The following NAPB variants were observed in gnomAD, a reference collection of about 807,000 sequenced individuals.
The protein encoded by NAPB is NSF attachment protein beta, also known as beta-soluble NSF attachment protein.
Under a neutral mutation model 44.7 loss-of-function variants are expected in NAPB, and 26 were observed. The observed-to-expected ratio is 0.58, with a 90% CI of 0.43 to 0.81. The LOEUF is 0.81. Ranked by LOEUF, NAPB falls within the 30% of genes least tolerant of loss-of-function variation. The probability of loss-of-function intolerance (pLI) is 0.00; values close to 1 mark genes in which losing one functional copy is unlikely to be tolerated. For missense variants in NAPB, 315 were observed against 356.4 expected (o/e 0.88, Z 0.94); for synonymous variants, 120 against 116.8 (o/e 1.03, Z -0.18).
intron 1 of NAPB, among the ~76,000 whole-genome samples, chr20:23,405,003 G>A (rs966506976): frequency 1.3e-5 from 2 of 152,172 alleles, no homozygotes; most frequent in African/African-American, 4.8e-5. Context: ...ACACCCAAGA[G>A]AAATTAAAAC....
At chr20:23,378,495 G>A (rs988275211) in intron 10 of NAPB, among the ~76,000 whole-genome samples, 12 of 150,244 alleles carry the variant, frequency 8.0e-5, no homozygotes, top group Admixed American at 3.3e-4. Flanking sequence ...AGGCTGGAAT[G>A]CAATGGCGTG....
chr20:23,413,131 GA>G lies in NAPB; in HGVS notation c.98+8173del, dbSNP rs1239236428. On this transcript the variant is annotated intron_variant, in intron 1 of 10. Transcript: ENST00000377026. ...GGGAAACACAGCAAGATTCCGTGTC[GA>G]AAAAAAAATTTTAAGTAAAGTGTAC... Among the ~76,000 whole-genome samples, 5 of 150,148 alleles carry G rather than the reference GA, an allele frequency of 3.3e-5. No individual in the cohort carries two copies. The East Asian group carries it at 5.8e-4, about 18-fold the overall frequency.
intron 1 of NAPB, among the ~76,000 whole-genome samples, chr20:23,404,269 A>G (rs1269116056): frequency 6.6e-6 from 1 of 152,234 alleles, no homozygotes; most frequent in African/African-American, 2.4e-5. Context: ...CAGTATACAT[A>G]ACAAGGAACT....
rs117825139 is a variant in NAPB at position 23,394,987 on chromosome 20, T to C, written c.355A>G (p.Ile119Val). The change falls in exon 5 of 11, where the codon ATT becomes GTT. Residue 119 changes from isoleucine (I) to valine (V), a missense_variant. Ile to Val is a conservative substitution (Grantham distance 29). Coordinates refer to ENST00000377026, the MANE Select transcript of NAPB (RefSeq NM_022080.3). ...DIYTDMGRFT[I>V]AAKHHITIAE... ...ATAGTAATGTGGTGCTTGGCTGCAATTGTAAACCTTCCCTAGGGGAAAAAA... is the reference window on the plus strand; with the variant it reads ...ATAGTAATGTGGTGCTTGGCTGCAACTGTAAACCTTCCCTAGGGGAAAAAA... 2,876 of 1,614,164 alleles carry C rather than the reference T, an allele frequency of 1.8e-3. 2 individuals carry two copies. Among genetic ancestry groups the C allele is most frequent in the South Asian group, 3.6e-3 (332 of 91,082 alleles).
chr20:23,409,413 C>T (rs1985489944), intron 1 of NAPB, among the ~76,000 whole-genome samples: 1 of 152,116 alleles, frequency 6.6e-6, no homozygotes. Flanking sequence ...TTTATTTTGA[C>T]AATAGTTTTC....
chr20:23,393,186 T>C (rs974240833), intron 5 of NAPB, among the ~76,000 whole-genome samples: 5 of 152,068 alleles, frequency 3.3e-5, no homozygotes, highest in African/African-American at 7.2e-5. Context: ...TCCAGCTCCA[T>C]CACCTGCCTC....
At chr20:23,392,837 A>G (rs1159631428) in intron 5 of NAPB, among the ~76,000 whole-genome samples, 3 of 151,238 alleles carry the variant, frequency 2.0e-5, no homozygotes, top group Non-Finnish European at 4.4e-5. Context: ...TTTTTTCAAG[A>G]GAAAAAAAGA....
At chr20:23,387,181 T>C (rs752795932) in intron 7 of NAPB, among the ~76,000 whole-genome samples, 11 of 152,046 alleles carry the variant, frequency 7.2e-5, no homozygotes, top group Admixed American at 3.3e-4. Context: ...CAAAATCCAA[T>C]ACCCTTTGAT....
rs1359351922 is a variant in NAPB at position 23,375,890 on chromosome 20, C to A, written c.*1486G>T. The A allele has an allele frequency of 1.3e-5, 2 of 152,376 alleles. No homozygotes were observed. The highest frequency in any genetic ancestry group is 2.9e-5 in the Non-Finnish European group (2 of 68,194). 9.4% of individuals were successfully genotyped at this position (152,376 alleles called of 1,614,324 possible). A position where few individuals can be genotyped will look rare whatever the true frequency, so the allele number is the denominator to read the frequency against. On this transcript the variant is annotated 3_prime_UTR_variant, in exon 11 of 11. Transcript: ENST00000377026. The stretch of plus-strand genomic sequence containing the variant: ...TACAGTCTGTCCTTGGCTGGCCCTT[C>A]CCACTTCCTTTCCTGCTACTTTCTC...
rs547490557 is a variant in NAPB, at chr20:23,403,373, C to T, written c.99-301G>A. Among the ~76,000 whole-genome samples the T allele has an allele frequency of 4.9e-3, 747 of 152,222 alleles. 9 individuals carry two copies. Among genetic ancestry groups the T allele is most frequent in the African/African-American group, 0.017 (709 of 41,550 alleles). On this transcript the variant is annotated intron_variant, in intron 1 of 10. Transcript: ENST00000377026. ...ATCCCAGAACTTTGGGAGGCCAAGG[C>T]GGGCGGATCACCTGAGGTCAGGTGT...
intron 1 of NAPB, among the ~76,000 whole-genome samples, chr20:23,406,279 G>A (rs1985250434): frequency 6.6e-6 from 1 of 152,180 alleles, no homozygotes; most frequent in African/African-American, 2.4e-5. Context: ...AGAGGTGGGA[G>A]TGTTGGGGAA....
intron 7 of NAPB, among the ~76,000 whole-genome samples, chr20:23,386,548 A>AACAT (rs1983537485): frequency 6.6e-6 from 1 of 152,244 alleles, no homozygotes; most frequent in Non-Finnish European, 1.5e-5. Flanking sequence ...ACAAAATGTT[A>AACAT]GCAAACCAAT....
chr20:23,390,354 A>C, intron 5 of NAPB, 90 bp from the exon 6 acceptor site: 1 of 1,063,702 alleles, frequency 9.4e-7, no homozygotes, highest in Non-Finnish European at 1.4e-6. Flanking sequence ...CCATAAATAA[A>C]CCTACTCTAC....
chr20:23,393,714 G>C (rs1195763215), intron 5 of NAPB, among the ~76,000 whole-genome samples: 4 of 152,204 alleles, frequency 2.6e-5, no homozygotes, highest in African/African-American at 4.8e-5. Context: ...AGTGAGGTGT[G>C]TGGGGATCTA....
At chr20:23,381,429 C>A (rs947943891) in intron 7 of NAPB, 112 bp from the exon 8 acceptor site, 1 of 630,632 alleles carries the variant, frequency 1.6e-6, no homozygotes, top group Admixed American at 3.3e-5. Context: ...GTTTGTTTAG[C>A]TATGAAATAT....
chr20:23,414,274 A>G (rs1413690295), intron 1 of NAPB, among the ~76,000 whole-genome samples: 2 of 152,210 alleles, frequency 1.3e-5, no homozygotes, highest in South Asian at 4.1e-4. Flanking sequence ...GTGAGTAATG[A>G]GCACATCACT....
chr20:23,380,236 G>A (rs1025950170), intron 8 of NAPB, among the ~76,000 whole-genome samples: 1 of 152,220 alleles, frequency 6.6e-6, no homozygotes, highest in African/African-American at 2.4e-5. Flanking sequence ...AAATGGAGAC[G>A]TTCTTAATAC....
At chr20:23,377,508 A>G (rs1982612235) in intron 10 of NAPB, 22 bp from the exon 11 acceptor site, 1 of 1,520,400 alleles carries the variant, frequency 6.6e-7, no homozygotes. Flanking sequence ...AAAGAGGAAC[A>G]GGAATTACCC....
At chr20:23,412,643 A>G (rs1192855161) in intron 1 of NAPB, among the ~76,000 whole-genome samples, 1 of 152,230 alleles carries the variant, frequency 6.6e-6, no homozygotes, top group Non-Finnish European at 1.5e-5. Flanking sequence ...ACAGACATGA[A>G]AGACAGAGAC....
Sources: allele counts gnomAD v4.1 joint callset (sites outside exome capture counted in the v4.1 genomes callset), GRCh38; gene constraint gnomAD v4.1.1; transcripts MANE v1.5; gene names NCBI Gene and HGNC (gene_info 2026-07-23, HGNC 2026-07-21).